The following DPYD variants were observed in gnomAD, a reference collection of about 807,000 sequenced individuals.
DPYD encodes the protein dihydropyrimidine dehydrogenase [NADP(+)].
Under a neutral mutation model 116.2 loss-of-function variants are expected in DPYD, and 109 were observed. The ratio of observed to expected loss-of-function variants is 0.94; its 90% confidence interval spans 0.80 to 1.10. The LOEUF is 1.10. Ranked by LOEUF, DPYD falls within the 50% of genes least tolerant of loss-of-function variation. DPYD has a pLI of 0.00. For missense variants in DPYD, 1,302 were observed against 1,254.5 expected, an observed-to-expected ratio of 1.04 and a Z score of -0.57; for synonymous variants, 440 against 432.0, an observed-to-expected ratio of 1.02 and a Z score of -0.23.
chr1:97,763,452 T>A (rs17117116), intron 3 of DPYD, among the ~76,000 whole-genome samples: 1 of 152,126 alleles, frequency 6.6e-6, no homozygotes, highest in African/African-American at 2.4e-5. Context: ...TCCCTTTAGT[T>A]TTCTTCTTCT....
At chr1:97,148,212 G>A (rs1654768319) in intron 20 of DPYD, among the ~76,000 whole-genome samples, 2 of 148,212 alleles carry the variant, frequency 1.3e-5, no homozygotes, top group African/African-American at 2.5e-5. Flanking sequence ...TTGCCCATGT[G>A]TTCTTCTGTT....
At chr1:97,485,937 C>T (rs1678608202) in intron 13 of DPYD, among the ~76,000 whole-genome samples, 1 of 151,932 alleles carries the variant, frequency 6.6e-6, no homozygotes, top group Admixed American at 6.6e-5. Flanking sequence ...ATTGATATTG[C>T]AATATTTAAA....
chr1:97,557,652 A>C (rs1198377049), intron 11 of DPYD, among the ~76,000 whole-genome samples: 2 of 152,094 alleles, frequency 1.3e-5, no homozygotes, highest in African/African-American at 4.8e-5. Context: ...AGAGCTTACA[A>C]ATCTTAGTAT....
intron 18 of DPYD, among the ~76,000 whole-genome samples, chr1:97,235,924 T>G (rs1471049814): frequency 6.6e-6 from 1 of 152,204 alleles, no homozygotes; most frequent in South Asian, 2.1e-4. Context: ...TTAGAGTGTA[T>G]GAATTTAATT....
intron 2 of DPYD, among the ~76,000 whole-genome samples, chr1:97,829,037 A>G (rs947567765): frequency 6.6e-6 from 1 of 151,936 alleles, no homozygotes; most frequent in African/African-American, 2.4e-5. Context: ...AAATTGTAGA[A>G]ATTTTCAATT....
At chr1:97,268,072 G>A (rs1664347504) in intron 18 of DPYD, among the ~76,000 whole-genome samples, 1 of 152,154 alleles carries the variant, frequency 6.6e-6, no homozygotes, top group Non-Finnish European at 1.5e-5. Flanking sequence ...GAAAAAAGGA[G>A]TAACTTGTTT....
chr1:97,234,568 A>G (rs1661781141), intron 19 of DPYD, among the ~76,000 whole-genome samples: 1 of 152,112 alleles, frequency 6.6e-6, no homozygotes. Flanking sequence ...TTCCAGGAGG[A>G]CAGTACTCAT....
intron 3 of DPYD, among the ~76,000 whole-genome samples, chr1:97,759,423 A>T (rs142602009): frequency 9.4e-4 from 143 of 152,270 alleles, no homozygotes; most frequent in Middle Eastern, 3.4e-3. Flanking sequence ...TAGGCAATCC[A>T]ACAAATTTAT....
chr1:97,361,960 C>T (rs1318688477), intron 16 of DPYD, among the ~76,000 whole-genome samples: 1 of 152,168 alleles, frequency 6.6e-6, no homozygotes. Flanking sequence ...CCAGGGCCAT[C>T]AGGCAAGAGA....
chr1:97,731,580 GATAGT>G (rs1663615258), intron 4 of DPYD, among the ~76,000 whole-genome samples: 1 of 151,572 alleles, frequency 6.6e-6, no homozygotes. Context: ...TGTTAATATC[GATAGT>G]ATAGTGTAAT....
At chr1:97,306,966 A>G (rs974327958) in intron 16 of DPYD, among the ~76,000 whole-genome samples, 10 of 152,044 alleles carry the variant, frequency 6.6e-5, no homozygotes, top group Non-Finnish European at 1.5e-4. Flanking sequence ...AATGAAATAA[A>G]ATATCAAATG....
At chr1:97,530,929 T>C (rs1349793818) in intron 12 of DPYD, among the ~76,000 whole-genome samples, 2 of 152,220 alleles carry the variant, frequency 1.3e-5, no homozygotes, top group African/African-American at 4.8e-5. Flanking sequence ...AAAAAATATC[T>C]ATTCAAGTCC....
intron 14 of DPYD, among the ~76,000 whole-genome samples, chr1:97,441,067 T>G (rs1675768034): frequency 6.6e-6 from 1 of 152,198 alleles, no homozygotes; most frequent in Non-Finnish European, 1.5e-5. Flanking sequence ...TTACATGTGT[T>G]TTTCTGTACA....
chr1:97,608,198 A>G (rs1421451957), intron 8 of DPYD, among the ~76,000 whole-genome samples: 2 of 151,962 alleles, frequency 1.3e-5, no homozygotes, highest in African/African-American at 4.8e-5. Flanking sequence ...CACTTTCTCA[A>G]GAAGTAAAAA....
chr1:97,690,056 C>G, intron 7 of DPYD, among the ~76,000 whole-genome samples: 1 of 151,914 alleles, frequency 6.6e-6, no homozygotes, highest in East Asian at 1.9e-4. Context: ...AAAAATTGTC[C>G]CACACCTTCT....
At chr1:97,256,438 G>A (rs1663471041) in intron 18 of DPYD, among the ~76,000 whole-genome samples, 1 of 152,040 alleles carries the variant, frequency 6.6e-6, no homozygotes, top group Non-Finnish European at 1.5e-5. Context: ...AATCATGGGG[G>A]TGTGTCTTTC....
At chr1:97,220,832 T>A (rs575746784) in intron 19 of DPYD, among the ~76,000 whole-genome samples, 113 of 152,282 alleles carry the variant, frequency 7.4e-4, no homozygotes, top group African/African-American at 2.6e-3. Flanking sequence ...TGTCACTAAT[T>A]AACTGTGTCT....
At chr1:97,257,452 T>TATATATATATATATAGAGAGAG (rs375490078) in intron 18 of DPYD, among the ~76,000 whole-genome samples, 10 of 126,472 alleles carry the variant, frequency 7.9e-5, no homozygotes, top group South Asian at 2.7e-4. Flanking sequence ...TATATATATA[T>TATATATATATATATAGAGAGAG]AGAGAGAGAG....
intron 14 of DPYD, among the ~76,000 whole-genome samples, chr1:97,435,809 T>C (rs1675440257): frequency 6.6e-6 from 1 of 151,704 alleles, no homozygotes; most frequent in South Asian, 2.1e-4. Flanking sequence ...CCCTGTAGGG[T>C]ACAATGTAAA....
Sources: allele counts gnomAD v4.1 joint callset (sites outside exome capture counted in the v4.1 genomes callset), GRCh38; gene constraint gnomAD v4.1.1; transcripts MANE v1.5; gene names NCBI Gene and HGNC (gene_info 2026-07-23, HGNC 2026-07-21).